ALDH16A1: variants seen among roughly 807,000 people sequenced by gnomAD.
ALDH16A1 encodes the protein aldehyde dehydrogenase family 16 member A1.
In ALDH16A1, 88 loss-of-function variants were observed where a neutral mutation model predicts 96.1. The ratio of observed to expected loss-of-function variants is 0.92; its 90% CI spans 0.77 to 1.09. The LOEUF (loss-of-function observed/expected upper bound fraction) is 1.09, where lower values mean the gene tolerates loss of function less well. Among genes scored for constraint, ALDH16A1 ranks in the 50% least tolerant of loss-of-function variants. The pLI is 0.00. For synonymous variants in ALDH16A1, 522 were observed against 496.4 expected (o/e 1.05, Z -0.69); for missense variants, 1,250 against 1,112.6 (o/e 1.12, Z -1.76).
intron 1 of ALDH16A1, among the ~76,000 whole-genome samples, chr19:49,454,042 TGAGCCAGGG>T (rs2079090954): frequency 6.7e-6 from 1 of 150,190 alleles, no homozygotes. Context: ...TTTTTTTTTT[TGAGCCAGGG>T]TCTCACTCTG....
Position 49,462,005 on chromosome 19 carries a change from T to C in ALDH16A1, c.881T>C (p.Val294Ala). Residue 294 changes from valine to alanine, a missense_variant, in exon 7 of 17, where the codon GTC (valine) becomes GCC (alanine). By Grantham distance (64) the Val-to-Ala change is moderately conservative (BLOSUM62 0). Transcript: ENST00000293350. The part of the protein sequence containing the change: ...TADVDSAVEG[V>A]VDAAWSDRGP... ...GACGTAGACTCGGCCGTGGAGGGTG[T>C]CGTGGACGCCGCCTGGTCCGACCGC... The C allele has an allele frequency of 6.5e-7, 1 of 1,545,114 alleles. No homozygotes were observed. Among genetic ancestry groups the C allele is most frequent in the Non-Finnish European group, 8.7e-7 (1 of 1,149,094 alleles).
chr19:49,457,514 C>T (rs2079111929), intron 1 of ALDH16A1, among the ~76,000 whole-genome samples: 1 of 149,816 alleles, frequency 6.7e-6, no homozygotes, highest in East Asian at 2.0e-4. Flanking sequence ...CGCCACTGCA[C>T]TCCAGCCTGG....
In ALDH16A1 at chr19:49,464,179, T is replaced by C. The variant is rs757316825; in HGVS notation, c.1247T>C (p.Leu416Pro). ...CCCTTCCGCACAGCCAAGGAGGCAC[T>C]GTTGGTGGCCAACGGGACGCCCCGC... ...ASPFRTAKEA[L>P]LVANGTPRGG... Residue 416 changes from leucine to proline, a missense_variant, in exon 10 of 17, where the codon CTG becomes CCG. By Grantham distance (98) the Leu-to-Pro change is moderately conservative. Coordinates refer to ENST00000293350, the MANE Select transcript of ALDH16A1 (RefSeq NM_153329.4). The C allele has an allele frequency of 1.9e-6, 3 of 1,608,628 alleles. No homozygotes were observed. The South Asian group carries it at 3.3e-5, about 18-fold the overall frequency.
intron 10 of ALDH16A1, 60 bp downstream of exon 10, chr19:49,464,323 T>C: frequency 6.3e-7 from 1 of 1,583,498 alleles, no homozygotes; most frequent in Non-Finnish European, 8.6e-7. Context: ...TCATCTCCCT[T>C]CTCCCTGGGT....
chr19:49,467,761 A>T (rs2079211146), intron 14 of ALDH16A1, among the ~76,000 whole-genome samples: 1 of 151,832 alleles, frequency 6.6e-6, no homozygotes, highest in South Asian at 2.1e-4. Context: ...GGCTTGTTAC[A>T]TAGGGATACA....
chr19:49,454,630 C>T (rs1331682868), intron 1 of ALDH16A1, among the ~76,000 whole-genome samples: 3 of 152,212 alleles, frequency 2.0e-5, no homozygotes, highest in African/African-American at 7.2e-5. Context: ...CAGGGTCCCC[C>T]AGCACCCAGG....
At position 49,461,708 on chromosome 19, in the gene ALDH16A1, A is replaced by T. The variant is rs754334323; in HGVS notation, c.667A>T (p.Ile223Phe). 6.2e-7 allele frequency: 1 copy of T among 1,609,724 alleles called. No homozygotes were observed. The highest frequency in any genetic ancestry group is 1.1e-5 in the South Asian group (1 of 90,526). ...GGGGGAGCTGGGCCCCTTCCCGGGA[A>T]TCCTGAATGTCCTCAGTGGCCCTGC... ...LAGELGPFPG[I>F]LNVLSGPASL... The change falls in exon 6 of 17, where the codon ATC becomes TTC. Residue 223 changes from isoleucine (I) to phenylalanine (F), a missense_variant. Physicochemically the swap from Ile to Phe is conservative, Grantham distance 21 (BLOSUM62 0). Coordinates refer to ENST00000293350, the MANE Select transcript of ALDH16A1 (RefSeq NM_153329.4).
chr19:49,468,505 G>A lies in ALDH16A1; in HGVS notation c.2063G>A (p.Gly688Asp). ...CTGCTGGCTCCCGCCCTGGCCTACG[G>A]CAACACTGTGGTCATGGTGCCCAGT... is the stretch of plus-strand genomic sequence containing the variant. The part of the protein sequence containing the change: ...VSLLAPALAY[G>D]NTVVMVPSAA... The change falls in exon 15 of 17, where the codon GGC (glycine) becomes GAC (aspartate). Residue 688 changes from glycine to aspartate, a missense_variant. By Grantham distance (94) the Gly-to-Asp change is moderately conservative. Coordinates refer to ENST00000293350, the MANE Select transcript of ALDH16A1 (RefSeq NM_153329.4). This position sits in a 1 kb window ranked among gnomAD's most constrained non-coding sequence, Gnocchi z 4.4. 1 of 1,604,106 alleles carries A rather than the reference G, an allele frequency of 6.2e-7. No homozygotes were observed. The highest frequency in any genetic ancestry group is 8.5e-7 in the Non-Finnish European group (1 of 1,179,928).
chr19:49,455,192 C>T (rs570172185), intron 1 of ALDH16A1, among the ~76,000 whole-genome samples: 2 of 148,026 alleles, frequency 1.4e-5, no homozygotes, highest in South Asian at 2.2e-4. Context: ...CCGAGGCGGG[C>T]GGATCATGAG....
chr19:49,461,870 G>C lies in ALDH16A1; in HGVS notation c.760-14G>C, dbSNP rs746794295. On this transcript the variant is annotated splice_polypyrimidine_tract_variant and intron_variant, in intron 6 of 16. Transcript: ENST00000293350. ...CAAGGCTCCTCCTGCGGCTGAACTG[G>C]GGGGGGTCCCTAGGAAGGGCGTGCC... 4.4e-5 allele frequency: 70 copies of C among 1,587,390 alleles called. No individual in the cohort carries two copies. Among genetic ancestry groups the C allele is most frequent in the South Asian group, 9.0e-5 (8 of 88,616 alleles).
rs553452173 is a variant in ALDH16A1 at position 49,464,957 on chromosome 19, G to A, written c.1568+195G>A. ...TCTCAGCTCTGCCCCATGAATGTCT[G>A]TACTCTCCCAGAAACTCATGGGTCT... is the stretch of plus-strand genomic sequence containing the variant. On this transcript the variant is annotated intron_variant, in intron 12 of 16. Coordinates refer to ENST00000293350, the MANE Select transcript of ALDH16A1 (RefSeq NM_153329.4). Among the ~76,000 whole-genome samples, 16 of 152,354 alleles carry A rather than the reference G, an allele frequency of 1.1e-4. No homozygotes were observed. In the East Asian group the frequency reaches 3.1e-3, roughly 29 times the overall value.
At chr19:49,469,911 T>C (rs1426956360) in intron 16 of ALDH16A1, 1 of 166,536 alleles carries the variant, frequency 6.0e-6, no homozygotes, top group African/African-American at 2.4e-5. Flanking sequence ...AGACGGGGTC[T>C]CGCCATATTG....
rs2079136028 is a variant in ALDH16A1 at position 49,460,886 on chromosome 19, T to C, written c.564T>C (p.Pro188=). 6.2e-7 allele frequency: 1 copy of C among 1,613,412 alleles called. No individual in the cohort carries two copies. Among genetic ancestry groups the C allele is most frequent in the African/African-American group, 1.3e-5 (1 of 74,914 alleles). ...TTGAGATGATGTGGAGGATTTGCCC[T>C]GCCCTGGCTGTGGGTAAATGATGGC... ...SFLEMMWRIC[P]ALAVGCTVVA... The change falls in exon 5 of 17, where the codon CCT becomes CCC. Residue 188 remains proline, a synonymous_variant. Coordinates refer to ENST00000293350, the MANE Select transcript of ALDH16A1 (RefSeq NM_153329.4).
At position 49,462,571 on chromosome 19, in the gene ALDH16A1, G is replaced by A; in HGVS notation, c.914G>A (p.Gly305Asp). The A allele has an allele frequency of 6.2e-7, 1 of 1,612,422 alleles. No homozygotes were observed. Among genetic ancestry groups the A allele is most frequent in the Non-Finnish European group, 8.5e-7 (1 of 1,179,722 alleles). The part of the protein sequence containing the change: ...VDAAWSDRGP[G>D]GLRLLIQESV... Reference sequence around the variant, plus strand: ...TCCTGATGCCCCTTTTCCTCACAGGGTGGCCTCAGGCTCCTCATCCAGGAG... The same window carrying A: ...TCCTGATGCCCCTTTTCCTCACAGGATGGCCTCAGGCTCCTCATCCAGGAG... The change falls in exon 8 of 17, where the codon GGT becomes GAT. Residue 305 changes from glycine (G) to aspartate (D), a missense_variant and splice_region_variant. Coordinates refer to ENST00000293350, the MANE Select transcript of ALDH16A1 (RefSeq NM_153329.4).
Position 49,459,866 on chromosome 19 carries a change from C to T in ALDH16A1, c.499+18C>T. Reference sequence around the variant, plus strand: ...GCCCATGGGTGAGACCCTGGAGTCCCTAGCCCTATCCTCCCACATGACTCA... The same window carrying T: ...GCCCATGGGTGAGACCCTGGAGTCCTTAGCCCTATCCTCCCACATGACTCA... On this transcript the variant is annotated intron_variant, in intron 4 of 16. Coordinates refer to ENST00000293350, the MANE Select transcript of ALDH16A1 (RefSeq NM_153329.4). The surrounding 1 kb of genome is among the most constrained non-coding windows in gnomAD (Gnocchi z 4.1). 1.9e-6 allele frequency: 3 copies of T among 1,606,670 alleles called. No homozygotes were observed. The South Asian group carries it at 3.3e-5, about 18-fold the overall frequency.
chr19:49,467,630 G>A (rs1430205219), intron 14 of ALDH16A1, among the ~76,000 whole-genome samples: 9 of 150,866 alleles, frequency 6.0e-5, no homozygotes, highest in South Asian at 2.1e-4. Flanking sequence ...TCCTGACCTC[G>A]TGATCCGCCC....
intron 1 of ALDH16A1, among the ~76,000 whole-genome samples, chr19:49,457,923 C>G (rs1314835468): frequency 1.3e-5 from 2 of 152,122 alleles, no homozygotes; most frequent in African/African-American, 4.8e-5. Context: ...AGTTGAGACC[C>G]TAATTGAATG....
intron 14 of ALDH16A1, among the ~76,000 whole-genome samples, chr19:49,467,110 G>A (rs1399296152): frequency 2.6e-5 from 4 of 151,912 alleles, no homozygotes; most frequent in South Asian, 2.1e-4. Flanking sequence ...CTCAACCTCC[G>A]AGGTCCAAGT....
chr19:49,457,483 C>G (rs2946845), intron 1 of ALDH16A1, among the ~76,000 whole-genome samples: 1 of 147,442 alleles, frequency 6.8e-6, no homozygotes, highest in Non-Finnish European at 1.5e-5. Flanking sequence ...AGGAGGCGGA[C>G]CTTGCAGTGA....
Sources: gnomAD v4.1 joint callset for allele counts (sites outside exome capture counted in the v4.1 genomes callset) on GRCh38, gnomAD v4.1.1 for gene constraint, Gnocchi (gnomAD v3.1) non-coding constraint, MANE v1.5 for transcripts, NCBI Gene and HGNC (gene_info 2026-07-23, HGNC 2026-07-21) for gene names.